PAFAH1B1: variants seen among roughly 807,000 people sequenced by gnomAD.
PAFAH1B1 encodes the protein platelet activating factor acetylhydrolase 1b regulatory subunit 1.
In PAFAH1B1, 2 loss-of-function variants were observed where a neutral mutation model predicts 57.5. The observed-to-expected ratio is 0.03, with a 90% CI of 0.01 to 0.11. The LOEUF is 0.11. Among genes scored for constraint, PAFAH1B1 ranks in the 10% least tolerant of loss-of-function variants. The pLI, the probability that PAFAH1B1 is intolerant of heterozygous loss-of-function variation, is 1.00. For missense variants in PAFAH1B1, 257 were observed against 512.0 expected, an observed-to-expected ratio of 0.50 and a Z score of 4.81; for synonymous variants, 152 against 169.6, an observed-to-expected ratio of 0.90 and a Z score of 0.81.
At chr17:2,667,332 T>TAA in intron 5 of PAFAH1B1, 134 bp downstream of exon 5, 4 of 641,952 alleles carry the variant, frequency 6.2e-6, no homozygotes, top group South Asian at 1.7e-5. Flanking sequence ...ACACTCTGTC[T>TAA]CAAAAAAAAA....
intron 2 of PAFAH1B1, chr17:2,640,325 C>G (rs2068678765): frequency 6.7e-6 from 1 of 150,280 alleles, no homozygotes; most frequent in Non-Finnish European, 1.5e-5. Context: ...TCATTTAGCC[C>G]TCATGTGTCT....
At chr17:2,669,515 T>C (rs934921594) in intron 5 of PAFAH1B1, among the ~76,000 whole-genome samples, 1 of 152,186 alleles carries the variant, frequency 6.6e-6, no homozygotes, top group African/African-American at 2.4e-5. Flanking sequence ...CGCCTTGGCC[T>C]TCCTAAGTGC....
Position 2,681,852 on chromosome 17 carries a change from A to G in PAFAH1B1, c.*50A>G. The G allele has an allele frequency of 7.6e-7, 1 of 1,315,468 alleles. No homozygotes were observed. Among genetic ancestry groups the G allele is most frequent in the Non-Finnish European group, 1.1e-6 (1 of 914,652 alleles). 81.5% of individuals were successfully genotyped at this position (1,315,468 alleles called of 1,614,324 possible). On this transcript the variant is annotated 3_prime_UTR_variant, in exon 11 of 11. Coordinates refer to ENST00000397195, the MANE Select transcript of PAFAH1B1 (RefSeq NM_000430.4). ...CCTCTTTTCCTCTGGATGCACTCTG[A>G]TGATACCATGGTTACCCCATTGAGC...
At chr17:2,666,929 T>A (rs1321333448) in intron 4 of PAFAH1B1, 63 bp from the exon 5 acceptor site, 31 of 1,328,714 alleles carry the variant, frequency 2.3e-5, no homozygotes, top group Non-Finnish European at 2.9e-5. Flanking sequence ...GGCAGTTTTT[T>A]AAAATGTCAC....
intron 1 of PAFAH1B1, among the ~76,000 whole-genome samples, chr17:2,628,357 A>G (rs1200412946): frequency 1.3e-5 from 2 of 152,072 alleles, no homozygotes; most frequent in Non-Finnish European, 2.9e-5. Context: ...TTAATTCTGT[A>G]TGTATTGTAT....
At chr17:2,647,896 C>T (rs931559619) in intron 2 of PAFAH1B1, among the ~76,000 whole-genome samples, 4 of 151,272 alleles carry the variant, frequency 2.6e-5, no homozygotes, top group Non-Finnish European at 5.9e-5. Flanking sequence ...TCCAGCTACT[C>T]GGGAGGCTGA....
At chr17:2,621,535 GC>G (rs2068420431) in intron 1 of PAFAH1B1, among the ~76,000 whole-genome samples, 1 of 149,086 alleles carries the variant, frequency 6.7e-6, no homozygotes, top group African/African-American at 2.5e-5. Context: ...CTTCATTGCT[GC>G]ATCTGGAAAA....
intron 2 of PAFAH1B1, among the ~76,000 whole-genome samples, chr17:2,656,839 A>G (rs149132753): frequency 2.0e-5 from 3 of 150,744 alleles, no homozygotes; most frequent in East Asian, 2.0e-4. Flanking sequence ...TTTTCATTCA[A>G]TTGCTTTTTC....
intron 2 of PAFAH1B1, chr17:2,639,914 T>G (rs1034497503): frequency 2.0e-5 from 3 of 152,172 alleles, no homozygotes; most frequent in African/African-American, 7.2e-5. Context: ...AAAAAAAAAT[T>G]TTGTGGCTTT....
intron 6 of PAFAH1B1, among the ~76,000 whole-genome samples, chr17:2,672,360 T>C (rs1209352702): frequency 6.6e-6 from 1 of 150,988 alleles, no homozygotes; most frequent in African/African-American, 2.4e-5. Flanking sequence ...CTGAGGTAAG[T>C]ATATGAATAT....
chr17:2,674,800 T>G (rs550548869), intron 8 of PAFAH1B1, among the ~76,000 whole-genome samples: 12 of 152,342 alleles, frequency 7.9e-5, no homozygotes, highest in Non-Finnish European at 1.5e-4. Context: ...CCTGGAGTTT[T>G]AACGCATTTC....
intron 1 of PAFAH1B1, among the ~76,000 whole-genome samples, chr17:2,618,501 T>C (rs578002169): frequency 6.6e-6 from 1 of 152,280 alleles, no homozygotes; most frequent in Admixed American, 6.5e-5. Context: ...TTTGTCCTTC[T>C]ATGTAATCTC....
intron 9 of PAFAH1B1, among the ~76,000 whole-genome samples, chr17:2,677,640 G>A (rs1200571738): frequency 6.6e-6 from 1 of 151,762 alleles, no homozygotes; most frequent in African/African-American, 2.4e-5. Context: ...AGATCACGAG[G>A]TCAGGAGATT....
chr17:2,672,515 A>T, intron 6 of PAFAH1B1, 140 bp from the exon 7 acceptor site: 1 of 661,820 alleles, frequency 1.5e-6, no homozygotes, highest in Non-Finnish European at 2.7e-6. Context: ...CAGGTTTCTT[A>T]TCCAATTTGT....
At chr17:2,631,023 C>T (rs1014059388) in intron 1 of PAFAH1B1, among the ~76,000 whole-genome samples, 5 of 152,132 alleles carry the variant, frequency 3.3e-5, no homozygotes, top group African/African-American at 1.2e-4. Context: ...GGTGGATCAC[C>T]TGAGGTCATG....
chr17:2,617,474 C>T (rs2068359837), intron 1 of PAFAH1B1, among the ~76,000 whole-genome samples: 2 of 152,158 alleles, frequency 1.3e-5, no homozygotes, highest in African/African-American at 4.8e-5. Context: ...TGAACCATAC[C>T]TGAGCACAGT....
intron 2 of PAFAH1B1, among the ~76,000 whole-genome samples, chr17:2,661,466 GT>G (rs2151654970): frequency 6.6e-6 from 1 of 152,286 alleles, no homozygotes; most frequent in East Asian, 1.9e-4. Flanking sequence ...AAGATCAGAT[GT>G]TTGTAGATAT....
chr17:2,613,678 G>T, intron 1 of PAFAH1B1: 1 of 283,554 alleles, frequency 3.5e-6, no homozygotes, highest in East Asian at 7.8e-5. Context: ...GCCCCTCCGC[G>T]AAGCTGCAGA....
chr17:2,642,754 G>A (rs2068713181), intron 2 of PAFAH1B1, among the ~76,000 whole-genome samples: 1 of 152,072 alleles, frequency 6.6e-6, no homozygotes, highest in Admixed American at 6.6e-5. Context: ...TGTGTTAATA[G>A]GTTACTTAGA....
Sources: allele counts gnomAD v4.1 joint callset (sites outside exome capture counted in the v4.1 genomes callset), GRCh38; gene constraint gnomAD v4.1.1; transcripts MANE v1.5; gene names NCBI Gene and HGNC (gene_info 2026-07-23, HGNC 2026-07-21).